Variants in TOPAZ1 observed in about 807,000 individuals in gnomAD.
TOPAZ1 encodes protein TOPAZ1.
Under a neutral mutation model 172.2 loss-of-function variants are expected in TOPAZ1, and 66 were observed. The ratio of observed to expected loss-of-function variants is 0.38; its 90% CI spans 0.31 to 0.47. TOPAZ1 has a LOEUF of 0.47. TOPAZ1 is among the 20% of genes least tolerant of loss of function. The probability of loss-of-function intolerance (pLI) is 0.99; values close to 1 mark genes in which losing one functional copy is unlikely to be tolerated. For synonymous variants in TOPAZ1, 681 were observed against 683.9 expected, an observed-to-expected ratio of 1.00 and a Z score of 0.07; for missense variants, 1,822 against 1,972.4, an observed-to-expected ratio of 0.92 and a Z score of 1.44.
chr3:44,324,583 AG>A (rs1465945587), intron 18 of TOPAZ1, among the ~76,000 whole-genome samples: 1 of 152,122 alleles, frequency 6.6e-6, no homozygotes, highest in East Asian at 1.9e-4. Context: ...TCTATTTTTT[AG>A]TTGGAAATAA....
chr3:44,317,189 G>A (rs979892372), intron 16 of TOPAZ1, among the ~76,000 whole-genome samples: 4 of 152,204 alleles, frequency 2.6e-5, no homozygotes, highest in Non-Finnish European at 5.9e-5. Context: ...GGGAGGCCGA[G>A]GCCGGTGGAT....
downstream of TOPAZ1, among the ~76,000 whole-genome samples, chr3:44,333,249 A>G (rs1208886906): frequency 6.6e-6 from 1 of 152,172 alleles, no homozygotes. Context: ...CCTGATTACT[A>G]TCGATGAAAT....
rs1435190098 is a variant in TOPAZ1, at chr3:44,242,321, A to G, written c.268A>G (p.Ser90Gly). 6.4e-7 allele frequency: 1 copy of G among 1,552,070 alleles called. No individual in the cohort carries two copies. Among genetic ancestry groups the G allele is most frequent in the Admixed American group, 2.0e-5 (1 of 50,960 alleles). The stretch of plus-strand genomic sequence containing the variant: ...GGTGGAGGGGCGCAGGGGCCCGGTG[A>G]GCCCGTCAGACTCGTCAGACCCGCG... ...RQVEGRRGPV[S>G]PSDSSDPRGL... The change falls in exon 1 of 20, where the codon AGC becomes GGC. Residue 90 changes from serine to glycine, a missense_variant. Ser to Gly is a moderately conservative substitution (Grantham distance 56). Coordinates refer to ENST00000309765, the MANE Select transcript of TOPAZ1 (RefSeq NM_001145030.2).
At chr3:44,249,738 G>A (rs1457592692) in intron 2 of TOPAZ1, among the ~76,000 whole-genome samples, 2 of 152,120 alleles carry the variant, frequency 1.3e-5, no homozygotes, top group African/African-American at 4.8e-5. Context: ...TGAGAATATC[G>A]CAGGCCATTT....
At chr3:44,269,839 C>G (rs367889031) in intron 7 of TOPAZ1, among the ~76,000 whole-genome samples, 10 of 152,190 alleles carry the variant, frequency 6.6e-5, no homozygotes, top group African/African-American at 2.4e-4. Context: ...ACCATGTTGG[C>G]CAGGCTGGTC....
Position 44,323,442 on chromosome 3 carries a change from C to T in TOPAZ1, c.4675+147C>T, listed in dbSNP as rs1700563259. 5 of 466,970 alleles carry T rather than the reference C, an allele frequency of 1.1e-5. 1 individual carries two copies. In the Admixed American group the frequency reaches 2.0e-4, roughly 19 times the overall value. 28.9% of individuals were successfully genotyped at this position (466,970 alleles called of 1,614,324 possible). A position where few individuals can be genotyped will look rare whatever the true frequency, so the allele number is the denominator to read the frequency against. Reference sequence around the variant, plus strand: ...GTAGTGGTCTCAACAGATCTGTGCTCTCTTTTGAAACCTATTGTTTCTCTT... The same window carrying T: ...GTAGTGGTCTCAACAGATCTGTGCTTTCTTTTGAAACCTATTGTTTCTCTT... On this transcript the variant is annotated intron_variant, in intron 18 of 19. Coordinates refer to ENST00000309765, the MANE Select transcript of TOPAZ1 (RefSeq NM_001145030.2).
Position 44,332,012 on chromosome 3 carries a change from C to T in TOPAZ1, c.*1C>T. ...GGTTTGGCTTTTCAGTAACCATTAGCTAATAAAGTCTGCTTTTTTTTTTTT... is the reference window on the plus strand; with the variant it reads ...GGTTTGGCTTTTCAGTAACCATTAGTTAATAAAGTCTGCTTTTTTTTTTTT... On this transcript the variant is annotated 3_prime_UTR_variant, in exon 20 of 20. Coordinates refer to ENST00000309765, the MANE Select transcript of TOPAZ1 (RefSeq NM_001145030.2). 1.3e-6 allele frequency: 2 copies of T among 1,497,078 alleles called. No individual in the cohort carries two copies. The highest frequency in any genetic ancestry group is 2.5e-5 in the East Asian group (1 of 40,574). The allele number at this position is 1,497,078 out of a possible 1,614,324, so 92.7% of individuals were successfully genotyped here.
chr3:44,313,558 A>G (rs919116180), intron 16 of TOPAZ1, among the ~76,000 whole-genome samples: 1 of 150,120 alleles, frequency 6.7e-6, no homozygotes, highest in African/African-American at 2.4e-5. Context: ...CGGAGCTTGC[A>G]GTGAGCCAAG....
In TOPAZ1 at chr3:44,289,358, A is replaced by G. The variant is rs141473069; in HGVS notation, c.3682-1413A>G. Among the ~76,000 whole-genome samples the G allele has an allele frequency of 9.4e-4, 143 of 152,324 alleles. 2 individuals carry two copies. Among genetic ancestry groups the G allele is most frequent in the African/African-American group, 3.4e-3 (141 of 41,580 alleles). ...GTTAAGGTAGTGGATTGGTAGGTTT[A>G]GGAGAGGAGCTGTTTTCCTCTTTTA... On this transcript the variant is annotated intron_variant, in intron 11 of 19. Transcript: ENST00000309765.
chr3:44,273,975 T>G (rs1449441757), intron 8 of TOPAZ1, among the ~76,000 whole-genome samples: 1 of 152,162 alleles, frequency 6.6e-6, no homozygotes, highest in African/African-American at 2.4e-5. Context: ...TAATCCCCAT[T>G]TTCTTTGATG....
intron 11 of TOPAZ1, among the ~76,000 whole-genome samples, chr3:44,288,268 G>A (rs768198748): frequency 2.8e-4 from 42 of 152,110 alleles, no homozygotes; most frequent in Admixed American, 9.2e-4. Context: ...TAGGAAAACT[G>A]CCAGTTTTCT....
rs1398524997 is a variant in TOPAZ1 at position 44,255,706 on chromosome 3, CACACACACACACACATAT to C, written c.2828-443_2828-426del. ...ACACACACACACACACACACACACA[CACACACACACACACATAT>C]ATATATGGTTAACAGCTAGTCAAAA... On this transcript the variant is annotated intron_variant, in intron 3 of 19. Coordinates refer to ENST00000309765, the MANE Select transcript of TOPAZ1 (RefSeq NM_001145030.2). Among the ~76,000 whole-genome samples, 440 of 120,988 alleles carry C rather than the reference CACACACACACACACATAT, an allele frequency of 3.6e-3. 6 individuals carry two copies. The highest frequency in any genetic ancestry group is 0.013 in the African/African-American group (425 of 31,994). 79.4% of individuals were successfully genotyped at this position (120,988 alleles called of 152,430 possible).
chr3:44,319,500 A>G (rs1165316494), intron 16 of TOPAZ1, among the ~76,000 whole-genome samples: 2 of 152,222 alleles, frequency 1.3e-5, no homozygotes, highest in Non-Finnish European at 2.9e-5. Context: ...AAAATAATTG[A>G]ACTTATTCAA....
At chr3:44,250,758 C>A (rs1228021571) in intron 2 of TOPAZ1, among the ~76,000 whole-genome samples, 2 of 152,184 alleles carry the variant, frequency 1.3e-5, no homozygotes, top group African/African-American at 4.8e-5. Context: ...TCTGCTTCCT[C>A]TTTAAAGTAG....
rs1330363438 is a variant in TOPAZ1, at chr3:44,269,291, A to G, written c.3236A>G (p.Lys1079Arg). ...ACTTGTGAAATATTCAAGAGGGAAAAAAATGTGGGGGTAAGTCTACTTTAA... is the reference window on the plus strand; with the variant it reads ...ACTTGTGAAATATTCAAGAGGGAAAGAAATGTGGGGGTAAGTCTACTTTAA... The part of the protein sequence containing the change: ...PETCEIFKRE[K>R]NVGVFQKSLG... The change falls in exon 7 of 20, where the codon AAA becomes AGA. Residue 1079 changes from lysine (K) to arginine (R), a missense_variant. Lys to Arg is a conservative substitution (Grantham distance 26). This residue lies in a region of TOPAZ1 where 1,489 missense variants were observed against 1,490.8 expected (regional missense o/e 1.00). Coordinates refer to ENST00000309765, the MANE Select transcript of TOPAZ1 (RefSeq NM_001145030.2). 6 of 1,540,898 alleles carry G rather than the reference A, an allele frequency of 3.9e-6. No homozygotes were observed. In the East Asian group the frequency reaches 1.5e-4, roughly 38 times the overall value.
chr3:44,274,615 C>G (rs534640001), intron 8 of TOPAZ1, among the ~76,000 whole-genome samples: 1 of 149,350 alleles, frequency 6.7e-6, no homozygotes, highest in East Asian at 2.0e-4. Context: ...AGAGCAATGG[C>G]ACAATCTCAG....
At chr3:44,282,063 T>A in intron 9 of TOPAZ1, 32 bp downstream of exon 9, 1 of 1,328,446 alleles carries the variant, frequency 7.5e-7, no homozygotes, top group Non-Finnish European at 1.0e-6. Context: ...AGTATGAAGC[T>A]ATTAATGTGT....
chr3:44,317,721 A>C (rs1014167201), intron 16 of TOPAZ1, among the ~76,000 whole-genome samples: 1 of 152,216 alleles, frequency 6.6e-6, no homozygotes, highest in African/African-American at 2.4e-5. Context: ...CAAATATGAA[A>C]TAGAGAAAAA....
At chr3:44,309,710 C>A in intron 15 of TOPAZ1, 115 bp from the exon 16 acceptor site, 1 of 747,462 alleles carries the variant, frequency 1.3e-6, no homozygotes, top group Non-Finnish European at 2.1e-6. Flanking sequence ...AGCTTAACAG[C>A]CAGCAGTCTA....
Sources: gnomAD v4.1 joint callset for allele counts (sites outside exome capture counted in the v4.1 genomes callset) on GRCh38, gnomAD v4.1.1 for gene constraint, gnomAD v4.1.1 regional missense constraint, MANE v1.5 for transcripts, NCBI Gene and HGNC (gene_info 2026-07-23, HGNC 2026-07-21) for gene names.